PARPBP: variants seen among roughly 807,000 people sequenced by gnomAD.
PARPBP encodes PARP1 binding protein.
In PARPBP, 52 loss-of-function variants were observed where a neutral mutation model predicts 50.0. That is an observed-to-expected ratio of 1.04 (90% CI 0.83 to 1.31). The LOEUF is 1.31. Ranked by LOEUF, PARPBP falls within the 50% of genes most tolerant of loss-of-function variation. The probability of loss-of-function intolerance (pLI) is 0.00; values close to 1 mark genes in which losing one functional copy is unlikely to be tolerated. For synonymous variants in PARPBP, 244 were observed against 232.1 expected (o/e 1.05, Z -0.47); for missense variants, 697 against 672.0 (o/e 1.04, Z -0.41).
chr12:102,140,377 C>T (rs1156990840), intron 2 of PARPBP, among the ~76,000 whole-genome samples: 10 of 151,956 alleles, frequency 6.6e-5, no homozygotes, highest in African/African-American at 2.2e-4. Context: ...TCTCTCTTTT[C>T]TTCTTTATTA....
At chr12:102,180,812 A>G (rs944793458) in intron 8 of PARPBP, among the ~76,000 whole-genome samples, 1 of 152,216 alleles carries the variant, frequency 6.6e-6, no homozygotes, top group Non-Finnish European at 1.5e-5. Flanking sequence ...TGTGCAGACA[A>G]ACACTGGTCT....
In PARPBP at chr12:102,178,678, A is replaced by G. The variant is rs1195692820; in HGVS notation, c.1092A>G (p.Ala364=). The G allele has an allele frequency of 6.2e-7, 1 of 1,613,500 alleles. No individual in the cohort carries two copies. The highest frequency in any genetic ancestry group is 1.3e-5 in the African/African-American group (1 of 74,924). The change falls in exon 8 of 11, where the codon GCA becomes GCG. Residue 364 remains alanine (A), a synonymous_variant. Transcript: ENST00000327680. Reference sequence around the variant, plus strand: ...TATTAGTTCTTTTGGACGAAGAAGCAGCTAATGCTCCTACCAAAAACAAAG... The same window carrying G: ...TATTAGTTCTTTTGGACGAAGAAGCGGCTAATGCTCCTACCAAAAACAAAG... ...KALLVLLDEE[A]ANAPTKNKAE...
intron 8 of PARPBP, among the ~76,000 whole-genome samples, chr12:102,181,940 C>T (rs1164275617): frequency 2.0e-5 from 3 of 152,104 alleles, no homozygotes; most frequent in Non-Finnish European, 4.4e-5. Flanking sequence ...AGTGCTCCCA[C>T]AAACCCTTTC....
At position 102,195,494 on chromosome 12, in the gene PARPBP, T is replaced by C. The variant is rs1189949828; in HGVS notation, c.1399+47T>C. ...ATTAAATAACAATTTAATTCTAGTC[T>C]ACTAATTAGTTTTAACTTAAGTAAA... On this transcript the variant is annotated intron_variant, in intron 10 of 10. Coordinates refer to ENST00000327680, the MANE Select transcript of PARPBP (RefSeq NM_017915.5). 7 of 1,414,896 alleles carry C rather than the reference T, an allele frequency of 4.9e-6. No individual in the cohort carries two copies. The Admixed American group carries it at 8.0e-5, about 16-fold the overall frequency. 87.6% of individuals were successfully genotyped at this position (1,414,896 alleles called of 1,614,324 possible). A position where few individuals can be genotyped will look rare whatever the true frequency, so the allele number is the denominator to read the frequency against.
At chr12:102,182,980 TG>T (rs1889979164) in intron 9 of PARPBP, among the ~76,000 whole-genome samples, 1 of 152,210 alleles carries the variant, frequency 6.6e-6, no homozygotes, top group Admixed American at 6.5e-5. Context: ...TCAAGATATG[TG>T]ATTTTAAATT....
intron 2 of PARPBP, among the ~76,000 whole-genome samples, chr12:102,129,176 CAG>C (rs1240758843): frequency 6.6e-6 from 1 of 152,076 alleles, no homozygotes; most frequent in East Asian, 1.9e-4. Context: ...TATTTAGAGA[CAG>C]AGTCTCAATA....
chr12:102,127,087 C>T (rs150892776), intron 2 of PARPBP, among the ~76,000 whole-genome samples: 1 of 152,100 alleles, frequency 6.6e-6, no homozygotes, highest in African/African-American at 2.4e-5. Context: ...TTATCTTACA[C>T]GTGGCAGTCA....
chr12:102,182,451 C>T, intron 8 of PARPBP, 98 bp from the exon 9 acceptor site: 1 of 786,402 alleles, frequency 1.3e-6, no homozygotes, highest in Non-Finnish European at 2.1e-6. Flanking sequence ...TGAGGAAAAA[C>T]TAGATTGTAT....
chr12:102,141,965 T>C (rs1215767481), intron 2 of PARPBP, among the ~76,000 whole-genome samples: 2 of 152,184 alleles, frequency 1.3e-5, no homozygotes, highest in South Asian at 4.1e-4. Flanking sequence ...TTATGTGTCT[T>C]GGAGTTGGTC....
At chr12:102,188,740 A>G (rs1890533058) in intron 9 of PARPBP, among the ~76,000 whole-genome samples, 1 of 152,174 alleles carries the variant, frequency 6.6e-6, no homozygotes, top group East Asian at 1.9e-4. Context: ...ATTTACTGGC[A>G]AGGAATCAGA....
Position 102,197,035 on chromosome 12 carries a change from T to G in PARPBP, c.*744T>G. 6.2e-7 allele frequency: 1 copy of G among 1,612,178 alleles called. No individual in the cohort carries two copies. Among genetic ancestry groups the G allele is most frequent in the East Asian group, 2.2e-5 (1 of 44,782 alleles). ...GTTTTCTTCATCCCCAATTTCTCTC[T>G]TTTCTTGTGTTGATTCAGTATTCTG... On this transcript the variant is annotated 3_prime_UTR_variant, in exon 11 of 11. Transcript: ENST00000327680.
At chr12:102,153,072 C>T (rs75677541) in intron 3 of PARPBP, among the ~76,000 whole-genome samples, 23,026 of 151,992 alleles carry the variant, frequency 0.15, 1,845 homozygotes, top group Non-Finnish European at 0.18. Context: ...CAGATAGCAC[C>T]GTTATTGTAG....
In PARPBP at chr12:102,195,404, A is replaced by G; in HGVS notation, c.1356A>G (p.Ala452=). The G allele has an allele frequency of 6.3e-7, 1 of 1,596,198 alleles. No homozygotes were observed. The highest frequency in any genetic ancestry group is 8.6e-7 in the Non-Finnish European group (1 of 1,168,568). The change falls in exon 10 of 11, where the codon GCA becomes GCG. Residue 452 remains alanine (A), a synonymous_variant. Transcript: ENST00000327680. ...SKDNWNNVNL[A]SKPLCVLYME... is the part of the protein sequence containing the mutation. Reference sequence around the variant, plus strand: ...ATAATTGGAATAATGTTAATTTAGCATCAAAGCCTTTGTGTGTTCTTTACA... The same window carrying G: ...ATAATTGGAATAATGTTAATTTAGCGTCAAAGCCTTTGTGTGTTCTTTACA...
intron 1 of PARPBP, chr12:102,120,621 C>G: frequency 2.6e-6 from 1 of 385,248 alleles, no homozygotes; most frequent in Non-Finnish European, 5.3e-6. Context: ...TCAACTTTCT[C>G]CTACTCCTGA....
In PARPBP at chr12:102,165,764, A is replaced by G. The variant is rs982845229; in HGVS notation, c.702A>G (p.Gly234=). 5.6e-6 allele frequency: 9 copies of G among 1,609,486 alleles called. No homozygotes were observed. In the African/African-American group the frequency reaches 6.7e-5, roughly 12 times the overall value. The change falls in exon 6 of 11, where the codon GGA becomes GGG. Residue 234 remains glycine (G), a synonymous_variant. Coordinates refer to ENST00000327680, the MANE Select transcript of PARPBP (RefSeq NM_017915.5). Reference sequence around the variant, plus strand: ...CTTTTATTAGAACAATAGAGCTTGGAGGGAAAGGATATGCACCACCACCAT... The same window carrying G: ...CTTTTATTAGAACAATAGAGCTTGGGGGGAAAGGATATGCACCACCACCAT... The part of the protein sequence containing the change: ...ATSFIRTIEL[G]GKGYAPPPSD...
chr12:102,156,920 G>T (rs1044027623), intron 4 of PARPBP, among the ~76,000 whole-genome samples: 1 of 152,210 alleles, frequency 6.6e-6, no homozygotes, highest in Non-Finnish European at 1.5e-5. Flanking sequence ...GGGATTACAG[G>T]CATGAGACAC....
At chr12:102,163,565 C>T (rs1053185599) in intron 4 of PARPBP, among the ~76,000 whole-genome samples, 5 of 152,126 alleles carry the variant, frequency 3.3e-5, no homozygotes, top group Admixed American at 6.6e-5. Context: ...ATTCCAATTA[C>T]GTGTATGTTT....
intron 7 of PARPBP, 136 bp from the exon 8 acceptor site, chr12:102,178,456 A>G: frequency 2.1e-6 from 1 of 476,146 alleles, no homozygotes; most frequent in Non-Finnish European, 3.6e-6. Flanking sequence ...CATGCCTCAC[A>G]GCCACTTCTT....
rs1891303596 is a variant in PARPBP at position 102,196,194 on chromosome 12, AC to A, written c.1644del (p.Tyr548Ter). On this transcript the variant is annotated frameshift_variant, in exon 11 of 11. Transcript: ENST00000327680. LOFTEE classifies it high-confidence loss of function. ...TCAAATGATTCACAGAATAGATTGT[AC>A]GGCAAACTAGCTAAAGTAGCAAAAA... ...KKSNDSQNRL[Y>X]GKLAKVAKSN... 6.2e-7 allele frequency: 1 copy of A among 1,611,864 alleles called. No homozygotes were observed. The highest frequency in any genetic ancestry group is 1.3e-5 in the African/African-American group (1 of 74,956).
Sources: gnomAD v4.1 joint callset for allele counts (sites outside exome capture counted in the v4.1 genomes callset) on GRCh38, gnomAD v4.1.1 for gene constraint, MANE v1.5 for transcripts, NCBI Gene and HGNC (gene_info 2026-07-23, HGNC 2026-07-21) for gene names.